RSRC1: variants seen among roughly 807,000 people sequenced by gnomAD.
The protein encoded by RSRC1 is arginine and serine rich coiled-coil 1.
A neutral mutation model predicts 49.1 loss-of-function variants in RSRC1; 39 were observed. The observed-to-expected ratio is 0.79, with a 90% confidence interval of 0.61 to 1.04. The LOEUF (loss-of-function observed/expected upper bound fraction) is 1.04, where lower values mean the gene tolerates loss of function less well. Ranked by LOEUF, RSRC1 falls within the 50% of genes least tolerant of loss-of-function variation. The pLI, the probability that RSRC1 is intolerant of heterozygous loss-of-function variation, is 0.00. For synonymous variants in RSRC1, 143 were observed against 130.8 expected, an observed-to-expected ratio of 1.09 and a Z score of -0.63; for missense variants, 388 against 402.4, an observed-to-expected ratio of 0.96 and a Z score of 0.31.
At chr3:158,364,383 A>G (rs1731643706) in intron 6 of RSRC1, among the ~76,000 whole-genome samples, 1 of 152,072 alleles carries the variant, frequency 6.6e-6, no homozygotes, top group Non-Finnish European at 1.5e-5. Flanking sequence ...GGAGATTGAA[A>G]CGTTTATTTT....
intron 3 of RSRC1, among the ~76,000 whole-genome samples, chr3:158,200,116 C>T (rs1053490819): frequency 2.0e-5 from 3 of 152,172 alleles, no homozygotes; most frequent in Non-Finnish European, 4.4e-5. Flanking sequence ...TGGCTCACTG[C>T]AAGCTCCGTC....
At chr3:158,141,230 A>G (rs1192469741) in intron 3 of RSRC1, among the ~76,000 whole-genome samples, 1 of 152,184 alleles carries the variant, frequency 6.6e-6, no homozygotes, top group Non-Finnish European at 1.5e-5. Context: ...TATCCAAAGG[A>G]TGGAGAAAAT....
intron 4 of RSRC1, among the ~76,000 whole-genome samples, chr3:158,218,306 TAGCAC>T (rs1239650776): frequency 2.0e-5 from 3 of 151,616 alleles, no homozygotes; most frequent in Non-Finnish European, 4.4e-5. Flanking sequence ...ACCAGATAAG[TAGCAC>T]AGTAATCTAG....
intron 7 of RSRC1, among the ~76,000 whole-genome samples, chr3:158,514,634 C>T (rs143436451): frequency 7.4e-4 from 112 of 152,078 alleles, no homozygotes; most frequent in African/African-American, 2.3e-3. Context: ...CTATTATGTC[C>T]GCTTGGTGCA....
At chr3:158,330,543 G>A (rs760230716) in intron 5 of RSRC1, among the ~76,000 whole-genome samples, 2 of 152,090 alleles carry the variant, frequency 1.3e-5, no homozygotes, top group Non-Finnish European at 2.9e-5. Flanking sequence ...CATTGTCATT[G>A]TTTTCAATAG....
intron 7 of RSRC1, among the ~76,000 whole-genome samples, chr3:158,505,131 T>A (rs1049939633): frequency 2.5e-4 from 38 of 152,336 alleles, no homozygotes; most frequent in African/African-American, 8.4e-4. Context: ...GTACTGTAAG[T>A]GAATAATCAA....
chr3:158,376,413 C>T (rs970411476), intron 6 of RSRC1, among the ~76,000 whole-genome samples: 5 of 151,982 alleles, frequency 3.3e-5, no homozygotes, highest in South Asian at 2.1e-4. Flanking sequence ...CTGCCTGCCT[C>T]GGCCTCCCAA....
At chr3:158,536,993 T>C in intron 7 of RSRC1, 99 bp from the exon 8 acceptor site, 2 of 729,168 alleles carry the variant, frequency 2.7e-6, no homozygotes, top group East Asian at 5.3e-5. Flanking sequence ...TAATGTCTTT[T>C]TATCCAATTA....
intron 4 of RSRC1, among the ~76,000 whole-genome samples, chr3:158,285,081 G>A (rs1726434737): frequency 6.6e-6 from 1 of 152,136 alleles, no homozygotes; most frequent in South Asian, 2.1e-4. Context: ...TAAGGTGTAA[G>A]GAAGGGATCC....
chr3:158,406,208 AT>A (rs1734156024), intron 6 of RSRC1, among the ~76,000 whole-genome samples: 1 of 152,078 alleles, frequency 6.6e-6, no homozygotes, highest in Non-Finnish European at 1.5e-5. Flanking sequence ...TTATAAAATT[AT>A]TTTCTTAAAA....
intron 7 of RSRC1, among the ~76,000 whole-genome samples, chr3:158,522,458 G>C (rs780007255): frequency 4.6e-5 from 7 of 152,000 alleles, no homozygotes; most frequent in African/African-American, 1.7e-4. Context: ...GGCATGAGCC[G>C]CTGCATCCAG....
At chr3:158,183,331 G>GT (rs1244953163) in intron 3 of RSRC1, among the ~76,000 whole-genome samples, 7 of 151,818 alleles carry the variant, frequency 4.6e-5, no homozygotes, top group Non-Finnish European at 5.9e-5. Flanking sequence ...ACACTTTAAA[G>GT]TTTTTTTAAA....
chr3:158,234,809 C>G (rs1316612902), intron 4 of RSRC1, among the ~76,000 whole-genome samples: 3 of 152,126 alleles, frequency 2.0e-5, no homozygotes, highest in African/African-American at 7.2e-5. Flanking sequence ...ATCACTCTTT[C>G]TTAAATGTCC....
rs1249740498 is a variant in RSRC1 at position 158,439,221 on chromosome 3, G to A, written c.584-21714G>A. Among the ~76,000 whole-genome samples the A allele has an allele frequency of 2.0e-5, 3 of 152,248 alleles. No individual in the cohort carries two copies. In the East Asian group the frequency reaches 5.8e-4, roughly 29 times the overall value. The stretch of plus-strand genomic sequence containing the variant: ...ACACTTTTACACTGTTGGTGGGAGT[G>A]TAAATTAGTTCAACCATTGTGGAAG... On this transcript the variant is annotated intron_variant, in intron 6 of 9. Transcript: ENST00000611884.
chr3:158,297,518 G>T (rs1727299473), intron 4 of RSRC1, among the ~76,000 whole-genome samples: 1 of 152,018 alleles, frequency 6.6e-6, no homozygotes, highest in East Asian at 1.9e-4. Context: ...GAGAAAATAG[G>T]ATAAGATTTA....
chr3:158,185,596 G>A (rs1233058094), intron 3 of RSRC1, among the ~76,000 whole-genome samples: 1 of 151,788 alleles, frequency 6.6e-6, no homozygotes, highest in East Asian at 1.9e-4. Context: ...TGATTTCAGT[G>A]TTAATAAGAA....
In RSRC1 at chr3:158,203,182, A is replaced by T. The variant is rs780137674; in HGVS notation, c.431A>T (p.Lys144Ile). Residue 144 changes from lysine (K) to isoleucine (I), a missense_variant, in exon 4 of 10, where the codon AAA becomes ATA. Lys to Ile is a moderately radical substitution (Grantham distance 102, BLOSUM62 -3). Coordinates refer to ENST00000611884, the MANE Select transcript of RSRC1 (RefSeq NM_001271838.2). ...AGAGAACGACGTAAGGGCAGAGATAAAGAGAAAAGAGAAAAGGAGAAGGAT... is the reference window on the plus strand; with the variant it reads ...AGAGAACGACGTAAGGGCAGAGATATAGAGAAAAGAGAAAAGGAGAAGGAT... ...RDRERRKGRD[K>I]EKREKEKDKG... is the part of the protein sequence containing the mutation. 2.5e-6 allele frequency: 4 copies of T among 1,612,502 alleles called. No homozygotes were observed. The East Asian group carries it at 8.9e-5, about 36-fold the overall frequency.
chr3:158,118,107 G>A (rs369354976), intron 1 of RSRC1, among the ~76,000 whole-genome samples: 4 of 152,038 alleles, frequency 2.6e-5, no homozygotes, highest in South Asian at 2.1e-4. Context: ...GCATCACCAC[G>A]TCCAGCTAAT....
At chr3:158,488,780 C>T (rs1004752309) in intron 7 of RSRC1, among the ~76,000 whole-genome samples, 4 of 152,122 alleles carry the variant, frequency 2.6e-5, no homozygotes, top group Non-Finnish European at 1.5e-5. Flanking sequence ...TTGTTTAACA[C>T]TTCTTAAAGT....
Sources: gnomAD v4.1 joint callset for allele counts (sites outside exome capture counted in the v4.1 genomes callset) on GRCh38, gnomAD v4.1.1 for gene constraint, MANE v1.5 for transcripts, NCBI Gene and HGNC (gene_info 2026-07-23, HGNC 2026-07-21) for gene names.